The following SLC39A11 variants were observed in gnomAD, a reference collection of about 807,000 sequenced individuals.
The protein encoded by SLC39A11 is zinc transporter ZIP11.
SLC39A11 carries 33 observed loss-of-function variants against 36.1 expected under a neutral mutation model. That is an observed-to-expected ratio of 0.91 (90% CI 0.69 to 1.22). The LOEUF (loss-of-function observed/expected upper bound fraction) is 1.22. Ranked by LOEUF, SLC39A11 falls within the 50% of genes most tolerant of loss-of-function variation. SLC39A11 has a pLI of 0.00. For synonymous variants in SLC39A11, 166 were observed against 170.3 expected, an observed-to-expected ratio of 0.97 and a Z score of 0.20; for missense variants, 432 against 430.3, an observed-to-expected ratio of 1.00 and a Z score of -0.03.
At chr17:72,827,212 T>G (rs904018046) in intron 6 of SLC39A11, among the ~76,000 whole-genome samples, 1 of 152,222 alleles carries the variant, frequency 6.6e-6, no homozygotes, top group Non-Finnish European at 1.5e-5. Flanking sequence ...TTAAAAACAC[T>G]GTGCTAATTA....
intron 7 of SLC39A11, among the ~76,000 whole-genome samples, chr17:72,734,713 G>A (rs150445485): frequency 1.1e-3 from 173 of 152,308 alleles, no homozygotes; most frequent in Middle Eastern, 3.4e-3. Context: ...TGATGATGTC[G>A]CGGGGGACGT....
chr17:73,088,814 C>T (rs758314394), intron 1 of SLC39A11, 39 bp from the exon 2 acceptor site: 133 of 1,450,584 alleles, frequency 9.2e-5, no homozygotes, highest in Non-Finnish European at 1.2e-4. Context: ...ACCGGTGGTC[C>T]GTTTCAGTGA....
At chr17:72,692,319 G>T (rs184728607) in intron 7 of SLC39A11, among the ~76,000 whole-genome samples, 1 of 152,118 alleles carries the variant, frequency 6.6e-6, no homozygotes, top group African/African-American at 2.4e-5. Flanking sequence ...CCAAAATAGC[G>T]CATTTTTATT....
rs148746675 is a variant in SLC39A11 at position 72,795,517 on chromosome 17, C to T, written c.601+54117G>A. ...CCACAGAGACTTCACTTGACCTCAA[C>T]TCTAAGGTCGCACACCATCACTTTT... On this transcript the variant is annotated intron_variant, in intron 6 of 9. Transcript: ENST00000255559. Among the ~76,000 whole-genome samples, 141 of 152,282 alleles carry T rather than the reference C, an allele frequency of 9.3e-4. 3 individuals are homozygous for T. Among genetic ancestry groups the T allele is most frequent in the Middle Eastern group, 6.8e-3 (2 of 294 alleles).
intron 3 of SLC39A11, among the ~76,000 whole-genome samples, chr17:73,069,546 G>A (rs1463069042): frequency 6.6e-6 from 1 of 152,184 alleles, no homozygotes; most frequent in African/African-American, 2.4e-5. Context: ...AATTACACAG[G>A]CCCTTGACAA....
At chr17:72,947,367 A>C (rs1391487920) in intron 5 of SLC39A11, among the ~76,000 whole-genome samples, 1 of 152,008 alleles carries the variant, frequency 6.6e-6, no homozygotes, top group Non-Finnish European at 1.5e-5. Flanking sequence ...AAAAGATGTA[A>C]ATTACAACAC....
chr17:73,024,864 A>ATTTTT (rs1163840820), intron 4 of SLC39A11, among the ~76,000 whole-genome samples: 95 of 97,864 alleles, frequency 9.7e-4, no homozygotes, highest in Middle Eastern at 8.1e-3. Context: ...TGCCCAGCTA[A>ATTTTT]TTTTTTTTTT....
rs1268824721 is a variant in SLC39A11 at position 72,712,655 on chromosome 17, T to A, written c.671+23995A>T. The A allele has an allele frequency of 2.0e-5, 3 of 147,748 alleles. No homozygotes were observed. The East Asian group carries it at 6.1e-4, about 30-fold the overall frequency. The allele number at this position is 147,748 out of a possible 1,614,324, so 9.2% of individuals were successfully genotyped here. On this transcript the variant is annotated intron_variant, in intron 7 of 9. Transcript: ENST00000255559. ...CTTTGCCAGGCGACATGAGGAACTT[T>A]CCACGAAGCTTGAAGGTAACCCTCC...
At chr17:72,885,226 T>C (rs1423716032) in intron 5 of SLC39A11, among the ~76,000 whole-genome samples, 3 of 152,220 alleles carry the variant, frequency 2.0e-5, no homozygotes, top group Admixed American at 6.5e-5. Flanking sequence ...CCTCTCTATA[T>C]TGGAATTAAA....
intron 6 of SLC39A11, among the ~76,000 whole-genome samples, chr17:72,840,084 A>G (rs1485319428): frequency 1.3e-5 from 2 of 152,112 alleles, no homozygotes; most frequent in Non-Finnish European, 2.9e-5. Context: ...ATAACCAACC[A>G]CTGTGAACAT....
chr17:72,916,040 G>A (rs1567946978), intron 5 of SLC39A11, among the ~76,000 whole-genome samples: 1 of 152,212 alleles, frequency 6.6e-6, no homozygotes. Context: ...AAGGGATTGT[G>A]TGTGGAGCTG....
chr17:72,648,758 G>C, intron 9 of SLC39A11, 45 bp downstream of exon 9: 1 of 1,609,762 alleles, frequency 6.2e-7, no homozygotes, highest in Non-Finnish European at 8.5e-7. Context: ...TGGGGTCCCA[G>C]CTGGGACTGG....
chr17:72,878,997 C>A (rs1180092108), intron 5 of SLC39A11, among the ~76,000 whole-genome samples: 1 of 152,218 alleles, frequency 6.6e-6, no homozygotes, highest in Non-Finnish European at 1.5e-5. Flanking sequence ...GGAAACACTT[C>A]ACTTATGTTC....
At chr17:72,773,400 G>C (rs1042703335) in intron 6 of SLC39A11, among the ~76,000 whole-genome samples, 1 of 152,142 alleles carries the variant, frequency 6.6e-6, no homozygotes, top group African/African-American at 2.4e-5. Flanking sequence ...CAGTTCTCAT[G>C]GTAGTGAATA....
At chr17:72,749,586 C>A (rs1373087525) in intron 6 of SLC39A11, among the ~76,000 whole-genome samples, 1 of 152,182 alleles carries the variant, frequency 6.6e-6, no homozygotes, top group Non-Finnish European at 1.5e-5. Flanking sequence ...TTTCCCAAGA[C>A]AAGCCTATTT....
chr17:72,996,557 G>A (rs113704210), intron 4 of SLC39A11, among the ~76,000 whole-genome samples: 3,488 of 152,178 alleles, frequency 0.023, 60 homozygotes, highest in Middle Eastern at 0.078. Context: ...TCCTTGGCTC[G>A]TGGCAGCGTT....
intron 6 of SLC39A11, among the ~76,000 whole-genome samples, chr17:72,841,907 CA>C (rs36098047): frequency 2.8e-4 from 41 of 145,346 alleles, no homozygotes; most frequent in Non-Finnish European, 2.1e-4. Context: ...ACAAAAAATA[CA>C]AAAAAAAAAA....
intron 7 of SLC39A11, among the ~76,000 whole-genome samples, chr17:72,727,087 G>A (rs963431410): frequency 1.3e-5 from 2 of 152,164 alleles, no homozygotes; most frequent in African/African-American, 4.8e-5. Flanking sequence ...GTCTCTTGAC[G>A]CGTGCTTAGT....
intron 3 of SLC39A11, among the ~76,000 whole-genome samples, chr17:73,061,930 A>G (rs1261401155): frequency 6.6e-6 from 1 of 152,148 alleles, no homozygotes; most frequent in African/African-American, 2.4e-5. Context: ...CAAGAGGTCA[A>G]TGCTGCAGTG....
Sources: gnomAD v4.1 joint callset for allele counts (sites outside exome capture counted in the v4.1 genomes callset) on GRCh38, gnomAD v4.1.1 for gene constraint, MANE v1.5 for transcripts, NCBI Gene and HGNC (gene_info 2026-07-23, HGNC 2026-07-21) for gene names.